Variants in MAGI2 observed in about 807,000 individuals in gnomAD.
The protein encoded by MAGI2 is membrane-associated guanylate kinase, WW and PDZ domain-containing protein 2.
Under a neutral mutation model 133.3 loss-of-function variants are expected in MAGI2, and 35 were observed. That is an observed-to-expected ratio of 0.26 (90% CI 0.20 to 0.35). MAGI2 has a LOEUF of 0.35. Ranked by LOEUF, MAGI2 falls within the 10% of genes least tolerant of loss-of-function variation. The probability of loss-of-function intolerance (pLI) is 1.00; values close to 1 mark genes in which losing one functional copy is unlikely to be tolerated. For synonymous variants in MAGI2, 729 were observed against 710.6 expected (o/e 1.03, Z -0.41); for missense variants, 1,636 against 1,863.4 (o/e 0.88, Z 2.25).
intron 14 of MAGI2, among the ~76,000 whole-genome samples, chr7:78,174,837 C>T (rs544272844): frequency 6.6e-6 from 1 of 152,298 alleles, no homozygotes; most frequent in East Asian, 1.9e-4. Flanking sequence ...TTGAGGTCAT[C>T]CTTGTGGGCA....
At chr7:78,618,955 T>G (rs1383395876) in intron 3 of MAGI2, 3 of 144,430 alleles carry the variant, frequency 2.1e-5, no homozygotes, top group African/African-American at 7.9e-5. Context: ...GGTGATCTAT[T>G]ACTCAGCATG....
chr7:78,485,727 T>C (rs1488776624), intron 6 of MAGI2: 3 of 151,984 alleles, frequency 2.0e-5, no homozygotes, highest in African/African-American at 7.2e-5. Context: ...CCTCCATACA[T>C]TCATAAATAG....
At chr7:79,293,862 C>T (rs745464546) in intron 1 of MAGI2, among the ~76,000 whole-genome samples, 15 of 152,300 alleles carry the variant, frequency 9.8e-5, no homozygotes, top group Non-Finnish European at 1.6e-4. Flanking sequence ...CAACCACCAA[C>T]GCCTTCAAAC....
At chr7:79,241,108 G>A (rs548805909) in intron 1 of MAGI2, among the ~76,000 whole-genome samples, 94 of 152,212 alleles carry the variant, frequency 6.2e-4, no homozygotes, top group Non-Finnish European at 1.3e-3. Flanking sequence ...GGTCACTGAT[G>A]TCTCCGTTGC....
chr7:78,349,964 T>C (rs1024858161), intron 7 of MAGI2, among the ~76,000 whole-genome samples: 2 of 152,216 alleles, frequency 1.3e-5, no homozygotes, highest in Non-Finnish European at 2.9e-5. Flanking sequence ...CTAGCTTCCA[T>C]ACAGAACAAG....
chr7:78,066,862 C>A (rs2151150981), intron 21 of MAGI2, among the ~76,000 whole-genome samples: 1 of 152,314 alleles, frequency 6.6e-6, no homozygotes, highest in Non-Finnish European at 1.5e-5. Flanking sequence ...TGTGTTGAGG[C>A]CTGATTTCCT....
intron 6 of MAGI2, among the ~76,000 whole-genome samples, chr7:78,385,549 T>G (rs1488179549): frequency 6.6e-6 from 1 of 152,176 alleles, no homozygotes; most frequent in Non-Finnish European, 1.5e-5. Context: ...CTTATTAAAA[T>G]TTAATGAAAG....
chr7:79,247,443 C>T (rs1832905147), intron 1 of MAGI2, among the ~76,000 whole-genome samples: 1 of 152,018 alleles, frequency 6.6e-6, no homozygotes, highest in South Asian at 2.1e-4. Context: ...GGTGAGACCT[C>T]GTCTCTAAAA....
intron 2 of MAGI2, among the ~76,000 whole-genome samples, chr7:78,825,838 A>G (rs1790577547): frequency 6.6e-6 from 1 of 152,174 alleles, no homozygotes; most frequent in African/African-American, 2.4e-5. Flanking sequence ...CAACTGAAAA[A>G]TTGAGATGTC....
At chr7:78,845,988 G>A (rs1050682729) in intron 2 of MAGI2, among the ~76,000 whole-genome samples, 2 of 151,892 alleles carry the variant, frequency 1.3e-5, no homozygotes, top group African/African-American at 4.8e-5. Flanking sequence ...AAAACCGTTG[G>A]TAGTATGAGT....
chr7:79,078,481 C>A (rs1360043269), intron 1 of MAGI2, among the ~76,000 whole-genome samples: 4 of 152,118 alleles, frequency 2.6e-5, no homozygotes, highest in African/African-American at 7.2e-5. Flanking sequence ...ACACAAAAGG[C>A]ACTGCTAAAA....
At chr7:78,098,389 A>G (rs887344848) in intron 20 of MAGI2, among the ~76,000 whole-genome samples, 1 of 152,150 alleles carries the variant, frequency 6.6e-6, no homozygotes, top group Non-Finnish European at 1.5e-5. Context: ...ACTCAACATT[A>G]CGTTGTTGCA....
intron 6 of MAGI2, among the ~76,000 whole-genome samples, chr7:78,461,466 G>A (rs1790012099): frequency 6.6e-6 from 1 of 150,812 alleles, no homozygotes; most frequent in African/African-American, 2.4e-5. Flanking sequence ...AGATTTATTA[G>A]TTTTTCTGTA....
At chr7:78,972,938 T>TAC (rs3069435) in intron 2 of MAGI2, among the ~76,000 whole-genome samples, 5,653 of 148,292 alleles carry the variant, frequency 0.038, 177 homozygotes, top group African/African-American at 0.098. Context: ...TTGTTGCTTT[T>TAC]ACACACACAC....
chr7:78,392,550 G>A (rs1016216201), intron 6 of MAGI2, among the ~76,000 whole-genome samples: 23 of 152,136 alleles, frequency 1.5e-4, no homozygotes, highest in African/African-American at 5.6e-4. Context: ...AGAGTCTGAA[G>A]TAACTGGAAA....
intron 1 of MAGI2, chr7:79,410,602 C>T (rs1393192905): frequency 6.6e-6 from 1 of 152,002 alleles, no homozygotes; most frequent in Non-Finnish European, 1.5e-5. Flanking sequence ...GTCATGAAAA[C>T]CTGTGTAAAG....
intron 2 of MAGI2, among the ~76,000 whole-genome samples, chr7:78,655,980 C>CAAAAAAAA (rs774125665): frequency 4.0e-4 from 24 of 60,720 alleles, no homozygotes; most frequent in East Asian, 7.2e-4. Context: ...GACTCCGTCT[C>CAAAAAAAA]AAAAAAAAAA....
chr7:78,237,163 C>A (rs1268773560), intron 10 of MAGI2, among the ~76,000 whole-genome samples: 1 of 152,146 alleles, frequency 6.6e-6, no homozygotes, highest in Non-Finnish European at 1.5e-5. Flanking sequence ...CTTCTACTGT[C>A]CCTCTTTCAC....
intron 10 of MAGI2, among the ~76,000 whole-genome samples, chr7:78,222,006 C>T (rs2150841732): frequency 6.6e-6 from 1 of 152,010 alleles, no homozygotes; most frequent in South Asian, 2.1e-4. Context: ...GCTATGATTG[C>T]ATGACTGTAC....
Sources: gnomAD v4.1 joint callset for allele counts (sites outside exome capture counted in the v4.1 genomes callset) on GRCh38, gnomAD v4.1.1 for gene constraint, MANE v1.5 for transcripts, NCBI Gene and HGNC (gene_info 2026-07-23, HGNC 2026-07-21) for gene names.